The following CHRNA5 variants were observed in gnomAD, a reference collection of about 807,000 sequenced individuals.
CHRNA5 encodes the protein cholinergic receptor nicotinic alpha 5 subunit, also known as neuronal acetylcholine receptor subunit alpha-5.
Under a neutral mutation model 41.2 loss-of-function variants are expected in CHRNA5, and 28 were observed. The ratio of observed to expected loss-of-function variants is 0.68; its 90% CI spans 0.50 to 0.93. The LOEUF (loss-of-function observed/expected upper bound fraction) is 0.93, where lower values mean the gene tolerates loss of function less well. Among genes scored for constraint, CHRNA5 ranks in the 40% least tolerant of loss-of-function variants. The probability of loss-of-function intolerance (pLI) is 0.00; values close to 1 mark genes in which losing one functional copy is unlikely to be tolerated. For missense variants in CHRNA5, 481 were observed against 581.9 expected (o/e 0.83, Z 1.78); for synonymous variants, 188 against 205.8 (o/e 0.91, Z 0.74).
At chr15:78,582,340 G>C (rs1181569835) in intron 2 of CHRNA5, among the ~76,000 whole-genome samples, 2 of 151,990 alleles carry the variant, frequency 1.3e-5, no homozygotes, top group African/African-American at 4.8e-5. Flanking sequence ...ACAAAAATTA[G>C]CTGGGCGGTG....
chr15:78,571,343 T>C (rs970454186), intron 1 of CHRNA5, among the ~76,000 whole-genome samples: 10 of 152,226 alleles, frequency 6.6e-5, no homozygotes, highest in African/African-American at 9.6e-5. Context: ...CTGTCTTCAC[T>C]TTTCCATATT....
exon 5 of CHRNA5, chr15:78,590,109 G>T (rs2052997849): frequency 1.9e-6 from 3 of 1,614,160 alleles, no homozygotes; most frequent in African/African-American, 2.7e-5. Context: ...GTATCCGTAT[G>T]TCACTTACTC....
At chr15:78,584,673 G>T (rs774715498) in intron 2 of CHRNA5, among the ~76,000 whole-genome samples, 4 of 152,194 alleles carry the variant, frequency 2.6e-5, no homozygotes, top group Non-Finnish European at 5.9e-5. Context: ...CTAGGGAAAG[G>T]CCCATAAGTT....
intron 2 of CHRNA5, among the ~76,000 whole-genome samples, chr15:78,585,695 C>T (rs1037388038): frequency 3.3e-5 from 5 of 152,018 alleles, no homozygotes; most frequent in African/African-American, 1.2e-4. Flanking sequence ...TACCAAGGAC[C>T]TCCAGTTCTC....
chr15:78,589,205 C>A (rs1231674198), intron 4 of CHRNA5: 1 of 152,068 alleles, frequency 6.6e-6, no homozygotes, highest in Non-Finnish European at 1.5e-5. Flanking sequence ...GAATAGTGTG[C>A]AAAAGCCACA....
chr15:78,590,195 T>G, exon 5 of CHRNA5: 1 of 1,614,114 alleles, frequency 6.2e-7, no homozygotes, highest in Non-Finnish European at 8.5e-7. Flanking sequence ...CATTTTTAAC[T>G]GTACTTGTCT....
chr15:78,595,241 T>C (rs1279164646), exon 6 of CHRNA5: 47 of 967,336 alleles, frequency 4.9e-5, no homozygotes, highest in Middle Eastern at 5.3e-4. Context: ...CTGTTACTTA[T>C]GATTTTTATA....
intron 3 of CHRNA5, among the ~76,000 whole-genome samples, chr15:78,587,506 A>G (rs2052971930): frequency 6.6e-6 from 1 of 152,038 alleles, no homozygotes; most frequent in Non-Finnish European, 1.5e-5. Context: ...AAGCAGTTGC[A>G]AGGAGGCCAG....
At chr15:78,578,726 A>G (rs1444129570) in intron 1 of CHRNA5, among the ~76,000 whole-genome samples, 1 of 152,136 alleles carries the variant, frequency 6.6e-6, no homozygotes, top group African/African-American at 2.4e-5. Context: ...TTTCTCTCCA[A>G]CCATTTCTTT....
intron 1 of CHRNA5, among the ~76,000 whole-genome samples, chr15:78,578,115 A>C (rs542411338): frequency 8.0e-4 from 121 of 152,196 alleles, no homozygotes; most frequent in Non-Finnish European, 1.5e-3. Flanking sequence ...TTTCTAAATT[A>C]ATCTAAATAT....
At chr15:78,578,481 T>TG (rs2052879386) in intron 1 of CHRNA5, among the ~76,000 whole-genome samples, 2 of 152,224 alleles carry the variant, frequency 1.3e-5, no homozygotes, top group South Asian at 4.1e-4. Flanking sequence ...CACTCCAGCC[T>TG]GGGTGACAGA....
At chr15:78,571,905 C>G (rs185914469) in intron 1 of CHRNA5, among the ~76,000 whole-genome samples, 3 of 152,142 alleles carry the variant, frequency 2.0e-5, no homozygotes, top group African/African-American at 7.2e-5. Context: ...CATTTTCCCT[C>G]GTTTACAAAA....
At chr15:78,593,450 A>T (rs200202015) in exon 6 of CHRNA5, 2 of 438,306 alleles carry the variant, frequency 4.6e-6, no homozygotes, top group Non-Finnish European at 7.8e-6. Context: ...GATGAGATAC[A>T]TTTGATCTTG....
chr15:78,587,173 A>C (rs1475087632), intron 3 of CHRNA5, among the ~76,000 whole-genome samples: 2 of 152,166 alleles, frequency 1.3e-5, no homozygotes, highest in African/African-American at 4.8e-5. Flanking sequence ...ATTCAAGATG[A>C]GATTTGGGTG....
intron 1 of CHRNA5, among the ~76,000 whole-genome samples, chr15:78,580,609 G>A (rs371931338): frequency 6.6e-6 from 1 of 150,860 alleles, no homozygotes; most frequent in Non-Finnish European, 1.5e-5. Flanking sequence ...CTAAATTGTA[G>A]TTTGGTTCAT....
chr15:78,579,859 A>G (rs1307658054), intron 1 of CHRNA5, among the ~76,000 whole-genome samples: 3 of 152,186 alleles, frequency 2.0e-5, no homozygotes, highest in Admixed American at 6.5e-5. Context: ...GCTATCTGCT[A>G]TCTTCGAGTT....
chr15:78,587,464 G>T (rs1206752117), intron 3 of CHRNA5, among the ~76,000 whole-genome samples: 1 of 6,478 alleles, frequency 1.5e-4, no homozygotes, highest in Non-Finnish European at 0.02. Context: ...CAAGTGCAAA[G>T]GTTTCTGAGC....
intron 1 of CHRNA5, among the ~76,000 whole-genome samples, chr15:78,574,825 T>C (rs904232319): frequency 2.0e-5 from 3 of 151,878 alleles, no homozygotes; most frequent in Non-Finnish European, 2.9e-5. Context: ...ACAAAAAAAT[T>C]AGCTGGGCAT....
chr15:78,586,621 T>C, intron 2 of CHRNA5, 24 bp from the exon 3 acceptor site: 1 of 1,354,650 alleles, frequency 7.4e-7, no homozygotes, highest in South Asian at 1.3e-5. Flanking sequence ...AAATCAATCT[T>C]ATTTAAATTT....
Sources: allele counts gnomAD v4.1 joint callset (sites outside exome capture counted in the v4.1 genomes callset), GRCh38; gene constraint gnomAD v4.1.1; transcripts MANE v1.5; gene names NCBI Gene and HGNC (gene_info 2026-07-23, HGNC 2026-07-21).